The following ANKIB1 variants were observed in gnomAD, a reference collection of about 807,000 sequenced individuals.
The protein encoded by ANKIB1 is ankyrin repeat and IBR domain containing 1.
In ANKIB1, 43 loss-of-function variants were observed where a neutral mutation model predicts 122.1. That is an observed-to-expected ratio of 0.35 (90% CI 0.28 to 0.45). ANKIB1 has a LOEUF of 0.45. ANKIB1 is among the 20% of genes least tolerant of loss of function. The pLI, the probability that ANKIB1 is intolerant of heterozygous loss-of-function variation, is 1.00. For synonymous variants in ANKIB1, 390 were observed against 442.0 expected (o/e 0.88, Z 1.48); for missense variants, 992 against 1,329.5 (o/e 0.75, Z 3.95).
chr7:92,344,396 G>T (rs1053628734), intron 6 of ANKIB1, among the ~76,000 whole-genome samples: 1 of 151,652 alleles, frequency 6.6e-6, no homozygotes, highest in African/African-American at 2.4e-5. Context: ...GTAGAGACAG[G>T]GTTTCACCAT....
At chr7:92,292,921 A>G (rs972283807) in intron 1 of ANKIB1, among the ~76,000 whole-genome samples, 9 of 152,212 alleles carry the variant, frequency 5.9e-5, no homozygotes, top group African/African-American at 9.6e-5. Context: ...CTCTTTGTTC[A>G]TATATTCAAA....
chr7:92,309,923 T>TAAAAAA (rs869276384), intron 3 of ANKIB1, among the ~76,000 whole-genome samples: 31 of 96,044 alleles, frequency 3.2e-4, no homozygotes, highest in African/African-American at 1.2e-3. Context: ...AGACTCCATC[T>TAAAAAA]AAAAAAAAAA....
intron 1 of ANKIB1, among the ~76,000 whole-genome samples, chr7:92,249,760 A>G (rs2131869307): frequency 6.6e-6 from 1 of 152,020 alleles, no homozygotes; most frequent in East Asian, 1.9e-4. Context: ...CCATTTATTG[A>G]GTGCCTAATT....
chr7:92,297,863 C>T (rs1802388057), intron 2 of ANKIB1, among the ~76,000 whole-genome samples: 1 of 152,148 alleles, frequency 6.6e-6, no homozygotes, highest in African/African-American at 2.4e-5. Context: ...TACTTTCTAA[C>T]ATGATCTTGC....
rs764459051 is a variant in ANKIB1, at chr7:92,387,810, C to T, written c.1765C>T (p.His589Tyr). The T allele has an allele frequency of 6.2e-7, 1 of 1,609,696 alleles. No individual in the cohort carries two copies. The highest frequency in any genetic ancestry group is 8.5e-7 in the Non-Finnish European group (1 of 1,178,722). ...KEMTVEAEKK[H>Y]KRFQELDRFM... Reference sequence around the variant, plus strand: ...TTTTGTTTTCTAGGCTGAGAAAAAACACAAACGATTTCAGGAACTTGACAG... The same window carrying T: ...TTTTGTTTTCTAGGCTGAGAAAAAATACAAACGATTTCAGGAACTTGACAG... The change falls in exon 13 of 20, where the codon CAC becomes TAC. Residue 589 changes from histidine to tyrosine, a missense_variant. Transcript: ENST00000265742.
chr7:92,344,497 G>A (rs548515487), intron 6 of ANKIB1, among the ~76,000 whole-genome samples: 20 of 152,078 alleles, frequency 1.3e-4, no homozygotes, highest in Middle Eastern at 3.4e-3. Context: ...GAGCCACCGC[G>A]CCCGGCCTAA....
chr7:92,278,921 A>G (rs1451428406), intron 1 of ANKIB1, among the ~76,000 whole-genome samples: 1 of 152,136 alleles, frequency 6.6e-6, no homozygotes, highest in Non-Finnish European at 1.5e-5. Flanking sequence ...GAATCAAGAA[A>G]CCCAAACACA....
At chr7:92,387,451 C>T (rs1804681573) in intron 12 of ANKIB1, among the ~76,000 whole-genome samples, 1 of 152,002 alleles carries the variant, frequency 6.6e-6, no homozygotes, top group Non-Finnish European at 1.5e-5. Context: ...GCCTGGCCAA[C>T]ATGGTAAAAC....
chr7:92,302,287 A>G (rs1554337758), intron 2 of ANKIB1, among the ~76,000 whole-genome samples: 3 of 152,196 alleles, frequency 2.0e-5, no homozygotes, highest in Non-Finnish European at 4.4e-5. Flanking sequence ...ATTCCTAGTC[A>G]CGGACCTTTT....
chr7:92,396,402 A>G lies in ANKIB1; in HGVS notation c.2321A>G (p.Gln774Arg), dbSNP rs1804891006. 1 of 1,597,508 alleles carries G rather than the reference A, an allele frequency of 6.3e-7. No individual in the cohort carries two copies. The highest frequency in any genetic ancestry group is 1.1e-5 in the South Asian group (1 of 87,610). ...AEFQYRRRHR[Q>R]RRRGDVHSLL... ...TTTCAGTATCGGAGGAGGCACAGACAACGTCGTCGAGGAGATGTTCACAGT... is the reference window on the plus strand; with the variant it reads ...TTTCAGTATCGGAGGAGGCACAGACGACGTCGTCGAGGAGATGTTCACAGT... Residue 774 changes from glutamine (Q) to arginine (R), a missense_variant, in exon 18 of 20, where the codon CAA (glutamine) becomes CGA (arginine). By Grantham distance (43) the Gln-to-Arg change is conservative. Coordinates refer to ENST00000265742, the MANE Select transcript of ANKIB1 (RefSeq NM_019004.2).
In ANKIB1 at chr7:92,296,077, C is replaced by T. The variant is rs142989762; in HGVS notation, c.188+911C>T. The stretch of plus-strand genomic sequence containing the variant: ...CGTTCAGCCTTTTTCCTGTTTCTTC[C>T]GTGTACAAATTATTGTTCCAATTAA... On this transcript the variant is annotated intron_variant, in intron 2 of 19. Transcript: ENST00000265742. 2.8e-3 allele frequency among the ~76,000 whole-genome samples: 424 copies of T among 152,178 alleles called. 2 individuals carry two copies. The highest frequency in any genetic ancestry group is 9.5e-3 in the African/African-American group (396 of 41,520).
intron 5 of ANKIB1, among the ~76,000 whole-genome samples, chr7:92,337,372 T>G (rs1803311264): frequency 6.6e-6 from 1 of 152,216 alleles, no homozygotes; most frequent in Non-Finnish European, 1.5e-5. Flanking sequence ...ATCTTTTTCT[T>G]ACTATTTAAG....
intron 4 of ANKIB1, 106 bp from the exon 5 acceptor site, chr7:92,327,677 T>A: frequency 2.1e-6 from 1 of 480,778 alleles, no homozygotes. Flanking sequence ...ATCCGTGGAA[T>A]GTGGAACCGT....
At chr7:92,377,344 G>T (rs1230887737) in intron 11 of ANKIB1, among the ~76,000 whole-genome samples, 1 of 152,106 alleles carries the variant, frequency 6.6e-6, no homozygotes, top group Non-Finnish European at 1.5e-5. Flanking sequence ...TATTAAGTTT[G>T]CCATCTTATA....
intron 4 of ANKIB1, among the ~76,000 whole-genome samples, chr7:92,324,100 C>G (rs948664105): frequency 1.6e-4 from 24 of 152,150 alleles, no homozygotes; most frequent in African/African-American, 5.6e-4. Flanking sequence ...GTTTATAGGA[C>G]TTTCTTTTGG....
At chr7:92,286,877 A>C (rs1161844857) in intron 1 of ANKIB1, among the ~76,000 whole-genome samples, 1 of 152,168 alleles carries the variant, frequency 6.6e-6, no homozygotes, top group Non-Finnish European at 1.5e-5. Context: ...AGAAAATACT[A>C]TTTAGAACAT....
intron 1 of ANKIB1, among the ~76,000 whole-genome samples, chr7:92,276,105 C>T (rs1369252318): frequency 1.3e-5 from 2 of 152,154 alleles, no homozygotes; most frequent in African/African-American, 4.8e-5. Flanking sequence ...AAGTTGGTCT[C>T]ATTACGTCTC....
intron 5 of ANKIB1, among the ~76,000 whole-genome samples, chr7:92,330,191 A>T (rs951828268): frequency 6.6e-6 from 1 of 152,112 alleles, no homozygotes; most frequent in African/African-American, 2.4e-5. Flanking sequence ...ATTTTATTCC[A>T]TGCATATATG....
At chr7:92,342,103 A>T (rs945650362) in intron 5 of ANKIB1, among the ~76,000 whole-genome samples, 3 of 152,048 alleles carry the variant, frequency 2.0e-5, no homozygotes, top group Non-Finnish European at 4.4e-5. Flanking sequence ...TATTTAAGCT[A>T]TAAAATTTTA....
Sources: gnomAD v4.1 joint callset for allele counts (sites outside exome capture counted in the v4.1 genomes callset) on GRCh38, gnomAD v4.1.1 for gene constraint, MANE v1.5 for transcripts, NCBI Gene and HGNC (gene_info 2026-07-23, HGNC 2026-07-21) for gene names.